Variants in ATXN1 observed in about 807,000 individuals in gnomAD.
ATXN1 encodes ataxin 1.
ATXN1 carries 8 observed loss-of-function variants against 56.4 expected under a neutral mutation model. The observed-to-expected ratio is 0.14, with a 90% confidence interval of 0.08 to 0.26. ATXN1 has a LOEUF of 0.26. ATXN1 is among the 10% of genes least tolerant of loss of function. ATXN1 has a pLI of 1.00. For synonymous variants in ATXN1, 514 were observed against 494.6 expected, an observed-to-expected ratio of 1.04 and a Z score of -0.52; for missense variants, 987 against 1,106.5, an observed-to-expected ratio of 0.89 and a Z score of 1.53.
At chr6:16,346,338 G>A (rs1415944077) in intron 6 of ATXN1, among the ~76,000 whole-genome samples, 1 of 152,054 alleles carries the variant, frequency 6.6e-6, no homozygotes, top group Non-Finnish European at 1.5e-5. Context: ...CCACCGCTTG[G>A]GATTACAGCC....
chr6:16,520,437 C>T (rs1442884236), intron 5 of ATXN1, among the ~76,000 whole-genome samples: 1 of 152,096 alleles, frequency 6.6e-6, no homozygotes, highest in African/African-American at 2.4e-5. Context: ...CAGAAGGAAA[C>T]CAAAGTAGCC....
intron 5 of ATXN1, among the ~76,000 whole-genome samples, chr6:16,510,588 T>G (rs1021132239): frequency 1.3e-5 from 2 of 151,842 alleles, no homozygotes; most frequent in African/African-American, 4.8e-5. Context: ...ATACAAAAAT[T>G]AGCTGGGCAT....
chr6:16,610,013 A>G (rs73370663), intron 3 of ATXN1, among the ~76,000 whole-genome samples: 7,252 of 152,184 alleles, frequency 0.048, 569 homozygotes, highest in African/African-American at 0.16. Flanking sequence ...TGAAAAGGAA[A>G]AACAGCCTTT....
intron 2 of ATXN1, among the ~76,000 whole-genome samples, chr6:16,698,955 G>GA (rs1367920676): frequency 6.6e-6 from 1 of 152,160 alleles, no homozygotes; most frequent in Non-Finnish European, 1.5e-5. Flanking sequence ...TTAAAAGGCA[G>GA]AAAATCTAAC....
At position 16,489,878 on chromosome 6, in the gene ATXN1, A is replaced by T. The variant is rs982101611; in HGVS notation, c.-298-3769T>A. On this transcript the variant is annotated intron_variant, in intron 5 of 7. Coordinates refer to ENST00000436367, the MANE Select transcript of ATXN1 (RefSeq NM_001128164.2). ...GGTCTTGTTAAATCAGAGAATGCTA[A>T]GACCCATCTGTAGAATTTCTGATTC... 3.6e-4 allele frequency among the ~76,000 whole-genome samples: 55 copies of T among 152,332 alleles called. 1 individual carries two copies. The highest frequency in any genetic ancestry group is 9.1e-4 in the Admixed American group (14 of 15,306).
chr6:16,468,960 A>T (rs1245876884), intron 6 of ATXN1, among the ~76,000 whole-genome samples: 2 of 152,080 alleles, frequency 1.3e-5, no homozygotes, highest in Non-Finnish European at 2.9e-5. Flanking sequence ...ACTCATCTGG[A>T]CCAAGTCCCT....
At chr6:16,417,270 G>C (rs1472166609) in intron 6 of ATXN1, among the ~76,000 whole-genome samples, 1 of 152,094 alleles carries the variant, frequency 6.6e-6, no homozygotes, top group Non-Finnish European at 1.5e-5. Flanking sequence ...TCTGACCTTA[G>C]GCAATCCTCC....
At chr6:16,619,548 A>C (rs1763280577) in intron 3 of ATXN1, among the ~76,000 whole-genome samples, 1 of 152,208 alleles carries the variant, frequency 6.6e-6, no homozygotes, top group African/African-American at 2.4e-5. Context: ...GCTCACAAAC[A>C]GTAAATCAGC....
intron 6 of ATXN1, among the ~76,000 whole-genome samples, chr6:16,451,076 G>A (rs993015210): frequency 1.3e-5 from 2 of 152,178 alleles, no homozygotes; most frequent in Admixed American, 6.5e-5. Context: ...GGCTTAAACC[G>A]AAGTCAATCT....
chr6:16,306,485 G>T lies in ATXN1; in HGVS notation c.2292C>A (p.Ser764Arg). 1 of 1,614,182 alleles carries T rather than the reference G, an allele frequency of 6.2e-7. No homozygotes were observed. The highest frequency in any genetic ancestry group is 8.5e-7 in the Non-Finnish European group (1 of 1,180,042). Residue 764 changes from serine (S) to arginine (R), a missense_variant, in exon 8 of 8, where the codon AGC becomes AGA. Physicochemically the swap from Ser to Arg is moderately radical, Grantham distance 110. This residue lies in a region of ATXN1 where 196 missense variants were observed against 196.7 expected (regional missense o/e 1.00). Transcript: ENST00000436367. The surrounding 1 kb of genome is among the most constrained non-coding windows in gnomAD (Gnocchi z 5.2). ...TCCTCTTCCTCGTTGCCGCGGGCTT[G>T]CTGGGTTCTATTTTGGTGAGGAAGG... ...AAPFLTKIEP[S>R]KPAATRKRRW... is the part of the protein sequence containing the mutation.
At chr6:16,676,091 CTA>C (rs1758655185) in intron 2 of ATXN1, among the ~76,000 whole-genome samples, 1 of 152,064 alleles carries the variant, frequency 6.6e-6, no homozygotes, top group Non-Finnish European at 1.5e-5. Context: ...TCTAATCTGG[CTA>C]CCCAAATAAG....
intron 4 of ATXN1, among the ~76,000 whole-genome samples, chr6:16,558,563 G>T (rs1207303050): frequency 6.6e-6 from 1 of 151,854 alleles, no homozygotes; most frequent in Admixed American, 6.6e-5. Context: ...TAAAAACAGG[G>T]TCTCCCTGTG....
At chr6:16,752,366 T>C (rs1760749726) in intron 2 of ATXN1, among the ~76,000 whole-genome samples, 1 of 152,126 alleles carries the variant, frequency 6.6e-6, no homozygotes, top group Non-Finnish European at 1.5e-5. Context: ...GATCAATGAT[T>C]CCAGCAGGAA....
At chr6:16,676,523 G>A (rs1369595536) in intron 2 of ATXN1, among the ~76,000 whole-genome samples, 1 of 152,136 alleles carries the variant, frequency 6.6e-6, no homozygotes, top group Non-Finnish European at 1.5e-5. Flanking sequence ...CTTTGTGCTA[G>A]GCCCTGAGGA....
chr6:16,539,349 C>T (rs778364711), intron 4 of ATXN1, among the ~76,000 whole-genome samples: 29 of 152,240 alleles, frequency 1.9e-4, no homozygotes, highest in Middle Eastern at 3.4e-3. Flanking sequence ...AAAAGAAACC[C>T]AGCCAACTAG....
At position 16,682,065 on chromosome 6, in the gene ATXN1, A is replaced by C. The variant is rs576483102; in HGVS notation, c.-614-24164T>G. On this transcript the variant is annotated intron_variant, in intron 2 of 7. Transcript: ENST00000436367. ...CTTCCGAATGCCCCCATACCTGCCA[A>C]CATCTGTATCTGAACACACTCAATG... Among the ~76,000 whole-genome samples the C allele has an allele frequency of 7.2e-5, 11 of 152,216 alleles. No homozygotes were observed. In the South Asian group the frequency reaches 2.3e-3, roughly 32 times the overall value.
chr6:16,584,086 T>A (rs947526993), intron 4 of ATXN1, among the ~76,000 whole-genome samples: 1 of 151,752 alleles, frequency 6.6e-6, no homozygotes, highest in African/African-American at 2.4e-5. Context: ...GCAAAGTAAC[T>A]TGCCCAATGT....
At chr6:16,592,915 C>G (rs989225875) in intron 3 of ATXN1, among the ~76,000 whole-genome samples, 1 of 152,078 alleles carries the variant, frequency 6.6e-6, no homozygotes, top group Non-Finnish European at 1.5e-5. Context: ...ATTATTTTTC[C>G]CGTCCATGTC....
intron 3 of ATXN1, among the ~76,000 whole-genome samples, chr6:16,648,564 C>CA (rs1763841565): frequency 2.6e-5 from 4 of 152,268 alleles, no homozygotes; most frequent in African/African-American, 9.6e-5. Context: ...TCACCTTAGC[C>CA]ATGGTATATT....
Sources: gnomAD v4.1 joint callset for allele counts (sites outside exome capture counted in the v4.1 genomes callset) on GRCh38, gnomAD v4.1.1 for gene constraint, gnomAD v4.1.1 regional missense constraint, Gnocchi (gnomAD v3.1) non-coding constraint, MANE v1.5 for transcripts, NCBI Gene and HGNC (gene_info 2026-07-23, HGNC 2026-07-21) for gene names.